Variants in TENM2 observed in about 807,000 individuals in gnomAD.
TENM2 encodes the protein teneurin transmembrane protein 2.
Under a neutral mutation model 245.2 loss-of-function variants are expected in TENM2, and 52 were observed. That is an observed-to-expected ratio of 0.21 (90% confidence interval 0.17 to 0.27). The LOEUF is 0.27. Among genes scored for constraint, TENM2 ranks in the 10% least tolerant of loss-of-function variants. The probability of loss-of-function intolerance (pLI) is 1.00; values close to 1 mark genes in which losing one functional copy is unlikely to be tolerated. For synonymous variants in TENM2, 1,363 were observed against 1,438.9 expected (o/e 0.95, Z 1.19); for missense variants, 3,046 against 3,666.8 (o/e 0.83, Z 4.37).
chr5:168,198,867 C>G (rs765863072), exon 16 of TENM2: 2 of 1,613,842 alleles, frequency 1.2e-6, no homozygotes, highest in Non-Finnish European at 1.7e-6. Flanking sequence ...GACCTGATCG[C>G]AAATGGAGGT....
At chr5:167,649,305 T>A (rs563855642) in intron 2 of TENM2, among the ~76,000 whole-genome samples, 4 of 152,172 alleles carry the variant, frequency 2.6e-5, no homozygotes, top group Non-Finnish European at 5.9e-5. Context: ...ATCCTCCAAG[T>A]TGACCTTAAA....
intron 2 of TENM2, among the ~76,000 whole-genome samples, chr5:167,592,813 A>G (rs1775967311): frequency 6.6e-6 from 1 of 152,208 alleles, no homozygotes; most frequent in East Asian, 1.9e-4. Flanking sequence ...TTTACCCATA[A>G]GAAAAACATA....
intron 5 of TENM2, among the ~76,000 whole-genome samples, chr5:168,045,807 C>A (rs571718142): frequency 1.3e-5 from 2 of 152,174 alleles, no homozygotes; most frequent in African/African-American, 4.8e-5. Context: ...TTGAAGCCAC[C>A]ATGATTAGTT....
intron 2 of TENM2, among the ~76,000 whole-genome samples, chr5:167,488,435 C>T (rs1768219243): frequency 6.6e-6 from 1 of 152,126 alleles, no homozygotes; most frequent in Non-Finnish European, 1.5e-5. Context: ...TTCTTAGTCT[C>T]ATCTTACTGG....
intron 5 of TENM2, among the ~76,000 whole-genome samples, chr5:168,007,385 T>C (rs1784904992): frequency 1.3e-5 from 2 of 152,220 alleles, no homozygotes; most frequent in Non-Finnish European, 2.9e-5. Flanking sequence ...CACCTTGGCC[T>C]CCTAAAGTGC....
intron 2 of TENM2, among the ~76,000 whole-genome samples, chr5:167,625,671 A>G (rs1251558102): frequency 2.6e-5 from 4 of 152,214 alleles, no homozygotes; most frequent in Admixed American, 1.3e-4. Flanking sequence ...GTTTAAAACA[A>G]TAAACATTTA....
intron 2 of TENM2, among the ~76,000 whole-genome samples, chr5:167,761,858 T>C (rs1762694123): frequency 6.6e-6 from 1 of 152,194 alleles, no homozygotes. Context: ...ATGTATCTGC[T>C]GAGCCAGAGA....
chr5:168,163,192 C>A (rs925466339), intron 13 of TENM2, among the ~76,000 whole-genome samples: 1 of 152,154 alleles, frequency 6.6e-6, no homozygotes, highest in East Asian at 1.9e-4. Flanking sequence ...GAAACCGAGG[C>A]CTGAAGAGTG....
intron 2 of TENM2, among the ~76,000 whole-genome samples, chr5:167,847,927 G>A (rs768215909): frequency 2.6e-5 from 4 of 152,036 alleles, no homozygotes; most frequent in Non-Finnish European, 5.9e-5. Flanking sequence ...TTTAACCTAA[G>A]TGCAACACTT....
intron 2 of TENM2, among the ~76,000 whole-genome samples, chr5:167,425,892 G>A (rs2127431957): frequency 6.6e-6 from 1 of 152,222 alleles, no homozygotes; most frequent in Non-Finnish European, 1.5e-5. Context: ...ATTATTGCTG[G>A]TAATACTGTC....
intron 2 of TENM2, among the ~76,000 whole-genome samples, chr5:167,830,698 A>C (rs1429640086): frequency 1.3e-5 from 2 of 152,226 alleles, no homozygotes; most frequent in Admixed American, 1.3e-4. Flanking sequence ...GTCCTAGAGA[A>C]GCAGTTAAGA....
At chr5:167,015,491 AT>A in the TENM2 span, among the ~76,000 whole-genome samples, 1 of 152,182 alleles carries the variant, frequency 6.6e-6, no homozygotes, top group Non-Finnish European at 1.5e-5. Flanking sequence ...ATAAGAATAT[AT>A]TTTTGGTATG....
the TENM2 span, among the ~76,000 whole-genome samples, chr5:167,196,150 A>G: frequency 6.6e-6 from 1 of 152,090 alleles, no homozygotes; most frequent in Non-Finnish European, 1.5e-5. Context: ...TCTGTATAGC[A>G]TGTTACTGTA....
chr5:167,381,372 G>T (rs1209677388), intron 2 of TENM2, among the ~76,000 whole-genome samples: 1 of 152,118 alleles, frequency 6.6e-6, no homozygotes, highest in Non-Finnish European at 1.5e-5. Flanking sequence ...GGAGTTTAAG[G>T]TGTGGCTAAG....
chr5:168,192,385 C>G (rs1761039258), intron 14 of TENM2, among the ~76,000 whole-genome samples: 1 of 152,170 alleles, frequency 6.6e-6, no homozygotes, highest in Non-Finnish European at 1.5e-5. Flanking sequence ...TCAGAACTCA[C>G]CAGATCGCCA....
chr5:167,988,198 G>C (rs1262712232), intron 4 of TENM2, among the ~76,000 whole-genome samples: 1 of 152,088 alleles, frequency 6.6e-6, no homozygotes, highest in Non-Finnish European at 1.5e-5. Context: ...GGCAGGAGGA[G>C]CCTATTTTAA....
chr5:168,181,642 A>G (rs1759898018), intron 13 of TENM2, among the ~76,000 whole-genome samples: 1 of 150,968 alleles, frequency 6.6e-6, no homozygotes, highest in Non-Finnish European at 1.5e-5. Context: ...GTCTTCTTCC[A>G]GAAGGAGTGC....
chr5:167,823,134 G>A (rs1384466277), intron 2 of TENM2, among the ~76,000 whole-genome samples: 1 of 152,098 alleles, frequency 6.6e-6, no homozygotes, highest in Non-Finnish European at 1.5e-5. Flanking sequence ...GATAGTGCTA[G>A]TTTGCCTTTG....
chr5:167,542,732 T>A (rs1772296511), intron 2 of TENM2, among the ~76,000 whole-genome samples: 1 of 152,180 alleles, frequency 6.6e-6, no homozygotes, highest in Non-Finnish European at 1.5e-5. Flanking sequence ...ATTTTCTGGT[T>A]TTTTTTCTGT....
Sources: gnomAD v4.1 joint callset for allele counts (sites outside exome capture counted in the v4.1 genomes callset) on GRCh38, gnomAD v4.1.1 for gene constraint, MANE v1.5 for transcripts, NCBI Gene and HGNC (gene_info 2026-07-23, HGNC 2026-07-21) for gene names.